ANKRD36B: variants seen among roughly 807,000 people sequenced by gnomAD.
ANKRD36B encodes the protein ankyrin repeat domain-containing protein 36B.
ANKRD36B carries 37 observed loss-of-function variants against 135.7 expected under a neutral mutation model. The ratio of observed to expected loss-of-function variants is 0.27; its 90% CI spans 0.21 to 0.36. The LOEUF (loss-of-function observed/expected upper bound fraction) is 0.36. Among genes scored for constraint, ANKRD36B ranks in the 10% least tolerant of loss-of-function variants. ANKRD36B has a pLI of 1.00. For synonymous variants in ANKRD36B, 179 were observed against 348.1 expected, an observed-to-expected ratio of 0.51 and a Z score of 5.41; for missense variants, 549 against 1,037.1, an observed-to-expected ratio of 0.53 and a Z score of 6.46.
intron 3 of ANKRD36B, 73 bp downstream of exon 3, chr2:97,584,871 T>C: frequency 1.6e-6 from 1 of 640,204 alleles, no homozygotes; most frequent in Middle Eastern, 4.4e-4. Flanking sequence ...TATGAAAAAT[T>C]GACCCTTACA....
chr2:97,547,143 G>A (rs1040529277), intron 22 of ANKRD36B: 4 of 193,820 alleles, frequency 2.1e-5, no homozygotes, highest in South Asian at 2.0e-4. Flanking sequence ...CAGTGTCTAC[G>A]GGTTGTTACA....
intron 1 of ANKRD36B, among the ~76,000 whole-genome samples, chr2:97,586,336 C>G (rs2082990758): frequency 6.6e-6 from 1 of 150,498 alleles, no homozygotes; most frequent in South Asian, 2.1e-4. Flanking sequence ...TTGAGACTGT[C>G]ATAAGTTTTT....
At chr2:97,575,744 TGAGTAAATG>T (rs1235945604) in intron 6 of ANKRD36B, among the ~76,000 whole-genome samples, 1 of 151,938 alleles carries the variant, frequency 6.6e-6, no homozygotes, top group Admixed American at 6.6e-5. Context: ...CATTTTAAAA[TGAGTAAATG>T]GAGTAAATTT....
chr2:97,578,302 C>T (rs991540020), intron 5 of ANKRD36B, among the ~76,000 whole-genome samples: 2 of 151,976 alleles, frequency 1.3e-5, no homozygotes, highest in Non-Finnish European at 2.9e-5. Flanking sequence ...GGATCTCAAA[C>T]AGAAAGGGCA....
chr2:97,585,173 C>A (rs531187981), intron 2 of ANKRD36B, 56 bp from the exon 3 acceptor site: 3 of 1,613,220 alleles, frequency 1.9e-6, no homozygotes, highest in African/African-American at 2.7e-5. Flanking sequence ...AATAAACACT[C>A]CGTAGGATTT....
At chr2:97,576,875 T>C (rs1318851001) in intron 5 of ANKRD36B, among the ~76,000 whole-genome samples, 1 of 152,082 alleles carries the variant, frequency 6.6e-6, no homozygotes, top group Non-Finnish European at 1.5e-5. Flanking sequence ...AGTAAAGCAG[T>C]GGAGCTTGTT....
intron 16 of ANKRD36B, among the ~76,000 whole-genome samples, chr2:97,552,221 C>A (rs1233373722): frequency 6.6e-6 from 1 of 151,958 alleles, no homozygotes. Context: ...AAATCTGCTA[C>A]AAGCATTAGA....
rs185739345 is a variant in ANKRD36B, at chr2:97,589,820, G to C, written c.-135C>G. 31 of 1,286,156 alleles carry C rather than the reference G, an allele frequency of 2.4e-5. No homozygotes were observed. The highest frequency in any genetic ancestry group is 9.1e-5 in the South Asian group (7 of 76,904). 79.7% of individuals were successfully genotyped at this position (1,286,156 alleles called of 1,614,324 possible). The stretch of plus-strand genomic sequence containing the variant: ...ACAACAGGCAAAGCAGTCTGTGCAC[G>C]GACCTCCGCGCAGACTCTCAGCGCC... On this transcript the variant is annotated 5_prime_UTR_variant, in exon 1 of 44. Coordinates refer to ENST00000359901, the MANE Select transcript of ANKRD36B (RefSeq NM_001393939.1).
chr2:97,532,527 C>T lies in ANKRD36B; in HGVS notation c.2192-143G>A. 2 of 356,580 alleles carry T rather than the reference C, an allele frequency of 5.6e-6. 1 individual carries two copies. Among genetic ancestry groups the T allele is most frequent in the South Asian group, 4.1e-5 (2 of 49,368 alleles). The allele number at this position is 356,580 out of a possible 1,614,324, so 22.1% of individuals were successfully genotyped here. A position where few individuals can be genotyped will look rare whatever the true frequency, so the allele number is the denominator to read the frequency against. ...CACGAGGTCAGGAGATAGAGACCAT[C>T]CTGGCTAACAAGGTGAAACCTCGTC... On this transcript the variant is annotated intron_variant, in intron 34 of 43. Transcript: ENST00000359901.
rs781697599 is a variant in ANKRD36B at position 97,557,090 on chromosome 2, G to C, written c.996+14C>G. The C allele has an allele frequency of 7.1e-6, 11 of 1,544,930 alleles. No individual in the cohort carries two copies. In the African/African-American group the frequency reaches 1.2e-4, roughly 17 times the overall value. On this transcript the variant is annotated intron_variant, in intron 11 of 43. Transcript: ENST00000359901. Reference sequence around the variant, plus strand: ...GCAATAAATAATTCAAAATATAAATGAAAGAGTAACTACCTTCTGGGCCGA... The same window carrying C: ...GCAATAAATAATTCAAAATATAAATCAAAGAGTAACTACCTTCTGGGCCGA...
At position 97,589,818 on chromosome 2, in the gene ANKRD36B, A is replaced by T; in HGVS notation, c.-133T>A. On this transcript the variant is annotated 5_prime_UTR_variant, in exon 1 of 44. Coordinates refer to ENST00000359901, the MANE Select transcript of ANKRD36B (RefSeq NM_001393939.1). ...CAACAACAGGCAAAGCAGTCTGTGC[A>T]CGGACCTCCGCGCAGACTCTCAGCG... 1 of 1,344,892 alleles carries T rather than the reference A, an allele frequency of 7.4e-7. No homozygotes were observed. The highest frequency in any genetic ancestry group is 1.0e-6 in the Non-Finnish European group (1 of 969,812). 83.3% of individuals were successfully genotyped at this position (1,344,892 alleles called of 1,614,324 possible). A position where few individuals can be genotyped will look rare whatever the true frequency, so the allele number is the denominator to read the frequency against.
Position 97,555,131 on chromosome 2 carries a change from G to A in ANKRD36B, c.1100C>T (p.Thr367Ile). Residue 367 changes from threonine (T) to isoleucine (I), a missense_variant and splice_region_variant, in exon 14 of 44, where the codon ACT becomes ATT. By Grantham distance (89) the Thr-to-Ile change is moderately conservative. Transcript: ENST00000359901. ...AGCAGAATCTGTCTTGTCACTTGCA[G>A]TCTGAAAGTAATTTGAAGCAAATTA... is the stretch of plus-strand genomic sequence containing the variant. ...VSSQKQPASK[T>I]ASDKTDSALN... The A allele has an allele frequency of 6.2e-7, 1 of 1,611,896 alleles. No individual in the cohort carries two copies. Among genetic ancestry groups the A allele is most frequent in the Non-Finnish European group, 8.5e-7 (1 of 1,178,708 alleles).
intron 6 of ANKRD36B, among the ~76,000 whole-genome samples, chr2:97,567,821 C>T (rs1439643384): frequency 6.6e-6 from 1 of 152,136 alleles, no homozygotes; most frequent in African/African-American, 2.4e-5. Flanking sequence ...CTGTACCTAA[C>T]ATCCAACCAA....
rs1460594906 is a variant in ANKRD36B at position 97,539,173 on chromosome 2, TA to T, written c.1988-811del. On this transcript the variant is annotated intron_variant, in intron 30 of 43. Coordinates refer to ENST00000359901, the MANE Select transcript of ANKRD36B (RefSeq NM_001393939.1). ...CAATATTCATTGAAAATAACAATTT[TA>T]AAAGTCAATTAATGAATTCAAATTA... Among the ~76,000 whole-genome samples the T allele has an allele frequency of 4.1e-5, 4 of 97,778 alleles. 1 individual carries two copies. The highest frequency in any genetic ancestry group is 9.2e-5 in the African/African-American group (3 of 32,696). The allele number at this position is 97,778 out of a possible 152,430, so 64.1% of individuals were successfully genotyped here.
At chr2:97,578,627 T>C (rs1216888926) in intron 5 of ANKRD36B, among the ~76,000 whole-genome samples, 1 of 152,064 alleles carries the variant, frequency 6.6e-6, no homozygotes, top group Non-Finnish European at 1.5e-5. Context: ...ATAGGGGTTA[T>C]ACTGGAAATA....
chr2:97,535,403 T>C (rs1451062231), intron 34 of ANKRD36B, among the ~76,000 whole-genome samples: 1 of 106,368 alleles, frequency 9.4e-6, no homozygotes, highest in African/African-American at 2.7e-5. Flanking sequence ...TTACACATTG[T>C]ATGCCTGTAT....
At chr2:97,566,383 G>T (rs2081432864) in intron 6 of ANKRD36B, among the ~76,000 whole-genome samples, 1 of 151,912 alleles carries the variant, frequency 6.6e-6, no homozygotes, top group Non-Finnish European at 1.5e-5. Flanking sequence ...AAAAGTATAA[G>T]ACTTTGATGC....
In ANKRD36B at chr2:97,494,381, A is replaced by G. The variant is rs1175281260; in HGVS notation, c.*7-1526T>C. 2.8e-5 allele frequency among the ~76,000 whole-genome samples: 3 copies of G among 105,738 alleles called. 1 individual carries two copies. Among genetic ancestry groups the G allele is most frequent in the African/African-American group, 8.0e-5 (3 of 37,504 alleles). The allele number at this position is 105,738 out of a possible 152,430, so 69.4% of individuals were successfully genotyped here. On this transcript the variant is annotated intron_variant, in intron 43 of 43. Coordinates refer to ENST00000359901, the MANE Select transcript of ANKRD36B (RefSeq NM_001393939.1). ...ACCCAGAAGGCTTTTACTTGTGGCT[A>G]AAGGTGAAGAGACAACGGGTATGAC...
At chr2:97,541,296 C>T (rs975151605) in intron 28 of ANKRD36B, among the ~76,000 whole-genome samples, 2 of 96,644 alleles carry the variant, frequency 2.1e-5, no homozygotes, top group African/African-American at 6.2e-5. Context: ...AGCATTGTTT[C>T]CTGCTTCCAG....
Sources: allele counts gnomAD v4.1 joint callset (sites outside exome capture counted in the v4.1 genomes callset), GRCh38; gene constraint gnomAD v4.1.1; transcripts MANE v1.5; gene names NCBI Gene and HGNC (gene_info 2026-07-23, HGNC 2026-07-21).